The following MACROD2 variants were observed in gnomAD, a reference collection of about 807,000 sequenced individuals.
The protein encoded by MACROD2 is mono-ADP ribosylhydrolase 2.
A neutral mutation model predicts 70.4 loss-of-function variants in MACROD2; 36 were observed. The ratio of observed to expected loss-of-function variants is 0.51; its 90% CI spans 0.39 to 0.68. The LOEUF is 0.68. Ranked by LOEUF, MACROD2 falls within the 30% of genes least tolerant of loss-of-function variation. The probability of loss-of-function intolerance (pLI) is 0.00; values close to 1 mark genes in which losing one functional copy is unlikely to be tolerated. For synonymous variants in MACROD2, 172 were observed against 178.8 expected (o/e 0.96, Z 0.30); for missense variants, 496 against 538.4 (o/e 0.92, Z 0.78).
At chr20:15,136,406 C>T (rs894769778) in intron 5 of MACROD2, among the ~76,000 whole-genome samples, 11 of 151,900 alleles carry the variant, frequency 7.2e-5, no homozygotes, top group Non-Finnish European at 1.2e-4. Context: ...GAAATAATGC[C>T]GCATATCTAC....
intron 3 of MACROD2, among the ~76,000 whole-genome samples, chr20:14,317,038 T>C (rs2082617268): frequency 6.6e-6 from 1 of 152,200 alleles, no homozygotes; most frequent in African/African-American, 2.4e-5. Context: ...CTTGCTGATC[T>C]CACCTACGTC....
chr20:14,091,864 A>G (rs917363940), intron 3 of MACROD2, among the ~76,000 whole-genome samples: 2 of 152,100 alleles, frequency 1.3e-5, no homozygotes, highest in Non-Finnish European at 2.9e-5. Context: ...GATTCTTTTC[A>G]GTATTTTGCT....
At chr20:14,005,324 ACATAATTTGCTTGCTGTTTATGTT>A (rs1190782683) in intron 2 of MACROD2, among the ~76,000 whole-genome samples, 1 of 152,204 alleles carries the variant, frequency 6.6e-6, no homozygotes, top group Non-Finnish European at 1.5e-5. Flanking sequence ...CCCATTAAAT[ACATAATTTGCTTGCTGTTTATGTT>A]CATATTTATT....
intron 5 of MACROD2, among the ~76,000 whole-genome samples, chr20:15,115,935 C>T (rs1005210392): frequency 6.6e-6 from 1 of 151,994 alleles, no homozygotes; most frequent in Non-Finnish European, 1.5e-5. Flanking sequence ...CTTCTATTTC[C>T]TGGCTGGAAA....
intron 4 of MACROD2, among the ~76,000 whole-genome samples, chr20:14,666,776 G>A (rs990587961): frequency 2.0e-5 from 3 of 151,736 alleles, no homozygotes; most frequent in African/African-American, 7.3e-5. Context: ...TTTTCTTAGT[G>A]AATTCTTTAA....
chr20:14,048,333 C>A (rs2053509047), intron 2 of MACROD2, among the ~76,000 whole-genome samples: 1 of 152,106 alleles, frequency 6.6e-6, no homozygotes, highest in South Asian at 2.1e-4. Context: ...AATGAGGAGT[C>A]CGCTCTCTAT....
chr20:15,680,210 C>T (rs891793446), intron 8 of MACROD2, among the ~76,000 whole-genome samples: 46 of 152,234 alleles, frequency 3.0e-4, no homozygotes, highest in African/African-American at 6.7e-4. Context: ...TTTGCAGTGA[C>T]GGTGTTTCCA....
intron 8 of MACROD2, among the ~76,000 whole-genome samples, chr20:15,589,487 G>A (rs2048649312): frequency 6.6e-6 from 1 of 152,160 alleles, no homozygotes; most frequent in Non-Finnish European, 1.5e-5. Context: ...ATTTCCACCA[G>A]AGTGGTACAT....
chr20:14,644,804 G>A (rs1354395408), intron 4 of MACROD2, among the ~76,000 whole-genome samples: 1 of 152,098 alleles, frequency 6.6e-6, no homozygotes, highest in Non-Finnish European at 1.5e-5. Context: ...AAATACAATA[G>A]TAACTCCAGA....
intron 4 of MACROD2, among the ~76,000 whole-genome samples, chr20:14,548,906 C>A (rs1913406612): frequency 6.6e-6 from 1 of 152,106 alleles, no homozygotes; most frequent in Non-Finnish European, 1.5e-5. Flanking sequence ...GGGGTTGTTT[C>A]TACTGGGGAA....
chr20:15,307,915 A>G (rs2077713663), intron 6 of MACROD2, among the ~76,000 whole-genome samples: 2 of 151,560 alleles, frequency 1.3e-5, no homozygotes, highest in African/African-American at 2.4e-5. Context: ...GAATATCCCT[A>G]ATTTTGATCT....
intron 5 of MACROD2, among the ~76,000 whole-genome samples, chr20:14,740,599 G>T (rs1303384480): frequency 6.6e-6 from 1 of 152,024 alleles, no homozygotes; most frequent in East Asian, 1.9e-4. Flanking sequence ...TGTGTAAATG[G>T]TCTTCTGGGT....
intron 2 of MACROD2, among the ~76,000 whole-genome samples, chr20:14,073,512 T>G (rs2053877287): frequency 6.6e-6 from 1 of 152,218 alleles, no homozygotes; most frequent in African/African-American, 2.4e-5. Flanking sequence ...GTCCTCAAGA[T>G]AATACTCAGT....
chr20:14,721,238 A>C (rs1336399756), intron 5 of MACROD2, among the ~76,000 whole-genome samples: 1 of 150,248 alleles, frequency 6.7e-6, no homozygotes, highest in Non-Finnish European at 1.5e-5. Context: ...CTGGGCAACA[A>C]AGCAAGACCC....
intron 4 of MACROD2, among the ~76,000 whole-genome samples, chr20:14,522,988 A>T (rs2085187224): frequency 6.6e-6 from 1 of 152,188 alleles, no homozygotes; most frequent in Non-Finnish European, 1.5e-5. Flanking sequence ...CGCCTTTTAT[A>T]CTTTTGAGAA....
In MACROD2 at chr20:15,407,973, G is replaced by A. The variant is rs116905255; in HGVS notation, c.541-23432G>A. 8.7e-4 allele frequency among the ~76,000 whole-genome samples: 133 copies of A among 152,258 alleles called. 3 individuals are homozygous for A. In the East Asian group the frequency reaches 0.023, roughly 26 times the overall value. ...CAGCAACACCCCAAAGTCTCTCAGC[G>A]CAGTGTCCTCCATGCTGCGAAATCA... On this transcript the variant is annotated intron_variant, in intron 6 of 17. Transcript: ENST00000684519.
At chr20:15,819,449 A>G (rs1051487146) in intron 8 of MACROD2, among the ~76,000 whole-genome samples, 2 of 128,130 alleles carry the variant, frequency 1.6e-5, no homozygotes, top group Non-Finnish European at 3.0e-5. Context: ...TTATATAAAT[A>G]TATATAAATA....
At chr20:15,514,062 A>G (rs1568860463) in intron 8 of MACROD2, among the ~76,000 whole-genome samples, 1 of 69,400 alleles carries the variant, frequency 1.4e-5, no homozygotes, top group African/African-American at 3.6e-5. Flanking sequence ...GGAGATAAAG[A>G]AAGAAAATAT....
At chr20:15,593,869 A>C (rs1185992169) in intron 8 of MACROD2, among the ~76,000 whole-genome samples, 1 of 152,202 alleles carries the variant, frequency 6.6e-6, no homozygotes, top group Non-Finnish European at 1.5e-5. Context: ...CATCTTTCAG[A>C]AAGGCTGGAG....
Sources: gnomAD v4.1 joint callset for allele counts (sites outside exome capture counted in the v4.1 genomes callset) on GRCh38, gnomAD v4.1.1 for gene constraint, MANE v1.5 for transcripts, NCBI Gene and HGNC (gene_info 2026-07-23, HGNC 2026-07-21) for gene names.